NAA11: variants seen among roughly 807,000 people sequenced by gnomAD.
NAA11 encodes the protein N-alpha-acetyltransferase 11, NatA catalytic subunit, also known as N-alpha-acetyltransferase 11.
In NAA11, 15 loss-of-function variants were observed where a neutral mutation model predicts 16.1. That is an observed-to-expected ratio of 0.93 (90% CI 0.62 to 1.44). The LOEUF is 1.44. NAA11 is among the 40% of genes most tolerant of loss of function. NAA11 has a pLI of 0.00. For missense variants in NAA11, 298 were observed against 291.3 expected, an observed-to-expected ratio of 1.02 and a Z score of -0.17; for synonymous variants, 122 against 112.4, an observed-to-expected ratio of 1.09 and a Z score of -0.54.
At chr4:79,286,753 C>A (rs1044268863) in intron 2 of NAA11, among the ~76,000 whole-genome samples, 10 of 152,052 alleles carry the variant, frequency 6.6e-5, no homozygotes, top group African/African-American at 2.2e-4. Flanking sequence ...GCAAATATTT[C>A]ACCTCACCAA....
chr4:79,192,227 T>C, the NAA11 span, among the ~76,000 whole-genome samples: 1 of 152,048 alleles, frequency 6.6e-6, no homozygotes. Flanking sequence ...AAGAATGTCA[T>C]TGATAATTTT....
intron 1 of NAA11, among the ~76,000 whole-genome samples, chr4:79,294,816 G>T (rs1365707425): frequency 2.6e-5 from 4 of 152,058 alleles, no homozygotes; most frequent in Non-Finnish European, 1.5e-5. Flanking sequence ...TATACAATTT[G>T]TATACTCTTA....
the NAA11 span, among the ~76,000 whole-genome samples, chr4:79,218,173 T>C: frequency 1.3e-5 from 2 of 152,180 alleles, no homozygotes; most frequent in South Asian, 2.1e-4. Context: ...ATGGCAGCAG[T>C]GGGGTAAGAG....
In NAA11 at chr4:79,236,695, A is replaced by C. The variant is rs142217176; in HGVS notation, c.*123-10425T>G. Among the ~76,000 whole-genome samples, 5 of 152,294 alleles carry C rather than the reference A, an allele frequency of 3.3e-5. No individual in the cohort carries two copies. The East Asian group carries it at 9.6e-4, about 29-fold the overall frequency. On this transcript the variant is annotated intron_variant and NMD_transcript_variant, in intron 2 of 2. Transcript: ENST00000511542. ...AATTAAAGTCTTCAAAGTTGATTTT[A>C]ACATCCAAGTTTCGTTATGACGTGT...
At chr4:79,167,132 TTATATATATA>T in the NAA11 span, among the ~76,000 whole-genome samples, 613 of 17,298 alleles carry the variant, frequency 0.035, 109 homozygotes, top group Middle Eastern at 0.15. Flanking sequence ...ACAGCTTATT[TTATATATATA>T]TATATATATA....
At chr4:79,177,985 G>A in the NAA11 span, among the ~76,000 whole-genome samples, 2 of 152,084 alleles carry the variant, frequency 1.3e-5, no homozygotes, top group East Asian at 3.9e-4. Context: ...TGTTCTCATA[G>A]CTGTTCTCAG....
At chr4:79,156,537 C>G in the NAA11 span, among the ~76,000 whole-genome samples, 1 of 152,064 alleles carries the variant, frequency 6.6e-6, no homozygotes, top group East Asian at 1.9e-4. Context: ...GGGAGGTCAG[C>G]CTTTTGTTCA....
the NAA11 span, among the ~76,000 whole-genome samples, chr4:79,219,729 T>A: frequency 6.6e-6 from 1 of 152,216 alleles, no homozygotes; most frequent in Non-Finnish European, 1.5e-5. Flanking sequence ...TATTTATATG[T>A]ATATATACAT....
At chr4:79,167,132 T>TATATATATATATATATATATATATATA in the NAA11 span, among the ~76,000 whole-genome samples, 2 of 17,284 alleles carry the variant, frequency 1.2e-4, no homozygotes, top group Non-Finnish European at 2.7e-4. Context: ...ACAGCTTATT[T>TATATATATATATATATATATATATATA]TATATATATA....
chr4:79,229,099 A>G (rs1489499178), intron 2 of NAA11, among the ~76,000 whole-genome samples: 1 of 152,012 alleles, frequency 6.6e-6, no homozygotes, highest in East Asian at 1.9e-4. Flanking sequence ...TTTCTTATAT[A>G]AATTGCACTT....
the NAA11 span, among the ~76,000 whole-genome samples, chr4:79,192,204 T>C: frequency 6.6e-6 from 1 of 152,158 alleles, no homozygotes; most frequent in Non-Finnish European, 1.5e-5. Context: ...AATTGTTTTT[T>C]TCTAGCTCTG....
chr4:79,264,812 C>G (rs999101616), intron 2 of NAA11, among the ~76,000 whole-genome samples: 7 of 152,200 alleles, frequency 4.6e-5, no homozygotes, highest in Admixed American at 2.0e-4. Context: ...CTAACCTACA[C>G]TCATTTCATA....
chr4:79,184,769 G>A, the NAA11 span, among the ~76,000 whole-genome samples: 33 of 152,116 alleles, frequency 2.2e-4, no homozygotes, highest in Non-Finnish European at 3.7e-4. Flanking sequence ...GTGGAAATAA[G>A]TATGTGTATT....
chr4:79,304,508 C>A (rs920530746), intron 1 of NAA11, among the ~76,000 whole-genome samples: 20 of 152,006 alleles, frequency 1.3e-4, no homozygotes, highest in African/African-American at 4.6e-4. Flanking sequence ...GCTTTAATAA[C>A]AAATGTTAGT....
chr4:79,260,829 A>G (rs1722231574), intron 2 of NAA11, among the ~76,000 whole-genome samples: 1 of 152,222 alleles, frequency 6.6e-6, no homozygotes. Context: ...GGCTAGAAAC[A>G]TTGGGGGAAA....
At chr4:79,184,721 T>C in the NAA11 span, among the ~76,000 whole-genome samples, 1 of 152,140 alleles carries the variant, frequency 6.6e-6, no homozygotes, top group African/African-American at 2.4e-5. Flanking sequence ...CGCTAGGAAC[T>C]CCCCTTCCCC....
intron 2 of NAA11, among the ~76,000 whole-genome samples, chr4:79,239,013 T>C (rs532665259): frequency 2.0e-5 from 3 of 152,320 alleles, no homozygotes; most frequent in African/African-American, 7.2e-5. Context: ...ATTTCTTCCA[T>C]GGCAGGAGCC....
chr4:79,178,527 A>G, the NAA11 span, among the ~76,000 whole-genome samples: 4 of 152,324 alleles, frequency 2.6e-5, no homozygotes, highest in African/African-American at 9.6e-5. Context: ...AAGAGCTTCT[A>G]TTCATCCAGC....
Position 79,325,481 on chromosome 4 carries a change from C to A in NAA11, c.397G>T (p.Val133Leu). 1 of 1,614,214 alleles carries A rather than the reference C, an allele frequency of 6.2e-7. No individual in the cohort carries two copies. ...CCATCTGCATAGTATTTAGGTTCCA[C>A]CTCACTAATCTGAAAGTTGAGGGTG... is the stretch of plus-strand genomic sequence containing the variant. Reference protein sequence around the residue: ...SNTLNFQISEVEPKYYADGED... With the variant: ...SNTLNFQISELEPKYYADGED... The change falls in exon 1 of 2, where the codon GTG becomes TTG. Residue 133 changes from valine (V) to leucine (L), a missense_variant. Transcript: ENST00000286794.
Sources: gnomAD v4.1 joint callset for allele counts (sites outside exome capture counted in the v4.1 genomes callset) on GRCh38, gnomAD v4.1.1 for gene constraint, MANE v1.5 for transcripts, NCBI Gene and HGNC (gene_info 2026-07-23, HGNC 2026-07-21) for gene names.